The following ACSM3 variants were observed in gnomAD, a reference collection of about 807,000 sequenced individuals.
ACSM3 encodes acyl-CoA synthetase medium chain family member 3, also known as acyl-coenzyme A synthetase ACSM3, mitochondrial.
In ACSM3, 61 loss-of-function variants were observed where a neutral mutation model predicts 74.1. That is an observed-to-expected ratio of 0.82 (90% CI 0.67 to 1.02). The LOEUF (loss-of-function observed/expected upper bound fraction) is 1.02. Among genes scored for constraint, ACSM3 ranks in the 50% least tolerant of loss-of-function variants. The probability of loss-of-function intolerance (pLI) is 0.00; values close to 1 mark genes in which losing one functional copy is unlikely to be tolerated. For synonymous variants in ACSM3, 213 were observed against 241.5 expected (o/e 0.88, Z 1.09); for missense variants, 660 against 697.0 (o/e 0.95, Z 0.60).
At chr16:20,761,243 T>C (rs150108948), upstream of ACSM3, among the ~76,000 whole-genome samples, 73 of 152,312 alleles carry the variant, frequency 4.8e-4, no homozygotes, top group Middle Eastern at 3.4e-3. Flanking sequence ...TCAGCATGTA[T>C]TGATTTATGT....
chr16:20,785,256 ATTGC>A, intron 8 of ACSM3, 149 bp downstream of exon 8: 4 of 1,077,724 alleles, frequency 3.7e-6, no homozygotes, highest in Admixed American at 5.6e-5. Flanking sequence ...CAAGAACCTA[ATTGC>A]AAAAAAGCTC....
At chr16:20,711,625 C>G in intron 1 of ACSM3, 1 of 953,268 alleles carries the variant, frequency 1.0e-6, no homozygotes, top group Admixed American at 2.0e-5. Flanking sequence ...TAAGACCAAA[C>G]TCCTGGTGTC....
In ACSM3 at chr16:20,777,427, G is replaced by A. The variant is rs764853926; in HGVS notation, c.485G>A (p.Arg162Lys). 6.2e-7 allele frequency: 1 copy of A among 1,614,044 alleles called. No homozygotes were observed. Among genetic ancestry groups the A allele is most frequent in the Non-Finnish European group, 8.5e-7 (1 of 1,179,972 alleles). The change falls in exon 4 of 14, where the codon AGA becomes AAA. Residue 162 changes from arginine to lysine, a missense_variant. Coordinates refer to ENST00000289416, the MANE Select transcript of ACSM3 (RefSeq NM_005622.4). ...TQLTQKDILY[R>K]LQSSKANCII... is the part of the protein sequence containing the mutation. ...CTGACCCAGAAAGACATTCTCTACA[G>A]ACTACAATCTTCAAAAGCAAACTGC...
At chr16:20,726,855 G>C (rs766267262) in intron 1 of ACSM3, among the ~76,000 whole-genome samples, 1 of 152,220 alleles carries the variant, frequency 6.6e-6, no homozygotes, top group Non-Finnish European at 1.5e-5. Flanking sequence ...GCCTGGTACA[G>C]AGTATCATGA....
chr16:20,704,144 C>A (rs556774949), intron 1 of ACSM3, among the ~76,000 whole-genome samples: 1 of 152,132 alleles, frequency 6.6e-6, no homozygotes, highest in East Asian at 1.9e-4. Context: ...ATTTTCATTA[C>A]AAAGATGAAG....
chr16:20,711,731 T>C (rs1304358361), intron 1 of ACSM3: 7 of 415,920 alleles, frequency 1.7e-5, no homozygotes, highest in Non-Finnish European at 2.8e-5. Flanking sequence ...CACAAATTAT[T>C]GCTACATCTT....
At chr16:20,778,027 A>G (rs935321072) in intron 4 of ACSM3, among the ~76,000 whole-genome samples, 1 of 152,194 alleles carries the variant, frequency 6.6e-6, no homozygotes, top group African/African-American at 2.4e-5. Flanking sequence ...TGTCCCTAGG[A>G]GTCAAGACCT....
In ACSM3 at chr16:20,725,897, C is replaced by T. The variant is rs140472680; in HGVS notation, c.-189-24013C>T. On this transcript the variant is annotated intron_variant, in intron 1 of 3. Coordinates refer to the ACSM3 transcript ENST00000561584. ...CTGAGGCAGGAGAATCGCTTGAACC[C>T]GGAAGGTGGAGGTTGCAGTGAGCCA... Among the ~76,000 whole-genome samples the T allele has an allele frequency of 4.5e-3, 688 of 152,126 alleles. 6 individuals are homozygous for T. The highest frequency in any genetic ancestry group is 0.015 in the African/African-American group (637 of 41,496).
At chr16:20,774,683 T>C (rs2080234588) in intron 2 of ACSM3, among the ~76,000 whole-genome samples, 1 of 152,238 alleles carries the variant, frequency 6.6e-6, no homozygotes, top group Non-Finnish European at 1.5e-5. Context: ...AAGATTGTTA[T>C]TGATAGGTGT....
chr16:20,705,298 G>A (rs902289847), intron 1 of ACSM3, among the ~76,000 whole-genome samples: 5 of 151,910 alleles, frequency 3.3e-5, no homozygotes, highest in African/African-American at 9.7e-5. Context: ...GTGTAAACCC[G>A]GGAGGTGGAG....
chr16:20,729,980 C>T (rs1286108151), intron 1 of ACSM3, among the ~76,000 whole-genome samples: 1 of 152,138 alleles, frequency 6.6e-6, no homozygotes, highest in East Asian at 1.9e-4. Context: ...TAACAATCCT[C>T]CACCCCTCCA....
intron 1 of ACSM3, chr16:20,737,652 TA>T (rs2079881991): frequency 2.6e-6 from 4 of 1,528,354 alleles, no homozygotes; most frequent in Admixed American, 2.3e-5. Context: ...AAAAAATCCT[TA>T]AAAAACAAGT....
At chr16:20,761,742 G>A (rs2080078612), upstream of ACSM3, among the ~76,000 whole-genome samples, 1 of 152,304 alleles carries the variant, frequency 6.6e-6, no homozygotes, top group South Asian at 2.1e-4. Flanking sequence ...CCTAAAGCTG[G>A]TGATCAGCAG....
chr16:20,748,113 G>A (rs1013503728), intron 1 of ACSM3, among the ~76,000 whole-genome samples: 19 of 151,786 alleles, frequency 1.3e-4, no homozygotes, highest in African/African-American at 4.6e-4. Context: ...CTCCAGCCTG[G>A]GGGGACAAAA....
At chr16:20,743,291 AAAAGGCTTCCAGT>A (rs780910616) in intron 1 of ACSM3, among the ~76,000 whole-genome samples, 6 of 152,096 alleles carry the variant, frequency 3.9e-5, no homozygotes, top group Non-Finnish European at 7.4e-5. Flanking sequence ...ACAGTTACTC[AAAAGGCTTCCAGT>A]AAATTCCATT....
In ACSM3 at chr16:20,797,573, T is replaced by G. The variant is rs1244213670; in HGVS notation, c.*601T>G. The stretch of plus-strand genomic sequence containing the variant: ...TATATGTAATCTAATAAATACTGTT[T>G]ACAAAAGATTACACTTGTGGTTCCT... On this transcript the variant is annotated 3_prime_UTR_variant, in exon 14 of 14. Coordinates refer to ENST00000289416, the MANE Select transcript of ACSM3 (RefSeq NM_005622.4). 7.7e-7 allele frequency: 1 copy of G among 1,292,522 alleles called. No individual in the cohort carries two copies. Among genetic ancestry groups the G allele is most frequent in the African/African-American group, 1.5e-5 (1 of 65,384 alleles). The allele number at this position is 1,292,522 out of a possible 1,614,324, so 80.1% of individuals were successfully genotyped here. A position where few individuals can be genotyped will look rare whatever the true frequency, so the allele number is the denominator to read the frequency against.
At chr16:20,723,377 A>C (rs1462506994) in intron 1 of ACSM3, among the ~76,000 whole-genome samples, 3 of 152,208 alleles carry the variant, frequency 2.0e-5, no homozygotes, top group Admixed American at 1.3e-4. Context: ...AGCATGATTT[A>C]TAATCCTTTG....
At chr16:20,740,211 G>A (rs4783369) in intron 1 of ACSM3, among the ~76,000 whole-genome samples, 64,934 of 152,072 alleles carry the variant, frequency 0.43, 16,403 homozygotes, top group Non-Finnish European at 0.58. Flanking sequence ...TGGACAACAT[G>A]GCCTGAGAAC....
intron 1 of ACSM3, chr16:20,741,479 C>CA: frequency 7.5e-7 from 1 of 1,329,524 alleles, no homozygotes; most frequent in Non-Finnish European, 9.8e-7. Flanking sequence ...GCCTGGCAGC[C>CA]GGCCCGCCCG....
Sources: gnomAD v4.1 joint callset for allele counts (sites outside exome capture counted in the v4.1 genomes callset) on GRCh38, gnomAD v4.1.1 for gene constraint, MANE v1.5 for transcripts, NCBI Gene and HGNC (gene_info 2026-07-23, HGNC 2026-07-21) for gene names.